CLK4: variants seen among roughly 807,000 people sequenced by gnomAD.
CLK4 encodes CDC like kinase 4, also known as dual specificity protein kinase CLK4.
CLK4 carries 37 observed loss-of-function variants against 64.4 expected under a neutral mutation model. The observed-to-expected ratio is 0.57, with a 90% CI of 0.44 to 0.76. The LOEUF is 0.76. Among genes scored for constraint, CLK4 ranks in the 30% least tolerant of loss-of-function variants. CLK4 has a pLI of 0.00. For synonymous variants in CLK4, 175 were observed against 191.6 expected, an observed-to-expected ratio of 0.91 and a Z score of 0.72; for missense variants, 457 against 605.1, an observed-to-expected ratio of 0.76 and a Z score of 2.57.
At chr5:178,626,797 C>G (rs1311054111) in intron 1 of CLK4, 149 bp downstream of exon 1, 1 of 152,524 alleles carries the variant, frequency 6.6e-6, no homozygotes. Context: ...TCGGTGCTGC[C>G]GGCGTGCACC....
Position 178,603,152 on chromosome 5 carries a change from T to A in CLK4, c.*465A>T. On this transcript the variant is annotated 3_prime_UTR_variant, in exon 13 of 13. Coordinates refer to ENST00000316308, the MANE Select transcript of CLK4 (RefSeq NM_020666.3). Reference sequence around the variant, plus strand: ...ACAGTAAACATTTTCTGAGTTTTGGTTTCTAGTACCTGCTTATCTAGAGTT... The same window carrying A: ...ACAGTAAACATTTTCTGAGTTTTGGATTCTAGTACCTGCTTATCTAGAGTT... 1 of 152,704 alleles carries A rather than the reference T, an allele frequency of 6.5e-6. No individual in the cohort carries two copies. Among genetic ancestry groups the A allele is most frequent in the East Asian group, 1.9e-4 (1 of 5,206 alleles). The allele number at this position is 152,704 out of a possible 1,614,324, so 9.5% of individuals were successfully genotyped here.
intron 1 of CLK4, among the ~76,000 whole-genome samples, chr5:178,625,081 C>T (rs560384544): frequency 6.6e-6 from 1 of 152,120 alleles, no homozygotes; most frequent in South Asian, 2.1e-4. Context: ...CGGTTTGATA[C>T]AAATGGAGTC....
chr5:178,617,327 T>C lies in CLK4; in HGVS notation c.475+17A>G. The C allele has an allele frequency of 6.3e-7, 1 of 1,587,948 alleles. No homozygotes were observed. The highest frequency in any genetic ancestry group is 8.6e-7 in the Non-Finnish European group (1 of 1,156,300). ...TCTTTCTGCAAAGTTTAAAAAGTGT[T>C]GAAAAATATTCTATACATCTTGCTC... On this transcript the variant is annotated intron_variant, in intron 4 of 12. Coordinates refer to ENST00000316308, the MANE Select transcript of CLK4 (RefSeq NM_020666.3). The surrounding 1 kb of genome is among the most constrained non-coding windows in gnomAD (Gnocchi z 5.2).
chr5:178,619,766 T>G, intron 2 of CLK4: 1 of 1,278,092 alleles, frequency 7.8e-7, no homozygotes, highest in Non-Finnish European at 1.0e-6. Flanking sequence ...GGATCCCAGT[T>G]AAGTGGCCTT....
chr5:178,607,917 C>T (rs1277251431), intron 10 of CLK4, among the ~76,000 whole-genome samples: 1 of 152,166 alleles, frequency 6.6e-6, no homozygotes, highest in African/African-American at 2.4e-5. Flanking sequence ...TGTCTCTTCA[C>T]CTTTATGTAC....
At chr5:178,607,063 C>A (rs1201339920) in intron 10 of CLK4, among the ~76,000 whole-genome samples, 1 of 150,414 alleles carries the variant, frequency 6.6e-6, no homozygotes, top group Non-Finnish European at 1.5e-5. Flanking sequence ...CAATTAAGGA[C>A]TTTTTATTTT....
intron 5 of CLK4, among the ~76,000 whole-genome samples, chr5:178,616,631 A>C (rs934246702): frequency 5.3e-5 from 8 of 152,168 alleles, no homozygotes; most frequent in African/African-American, 1.7e-4. Flanking sequence ...CCCCATCTCT[A>C]TTAAAAATAC....
chr5:178,618,752 T>C lies in CLK4; in HGVS notation c.188A>G (p.Asn63Ser), dbSNP rs750181034. 6.2e-7 allele frequency: 1 copy of C among 1,613,436 alleles called. No homozygotes were observed. The highest frequency in any genetic ancestry group is 1.7e-5 in the Admixed American group (1 of 59,998). Residue 63 changes from asparagine (N) to serine (S), a missense_variant, in exon 3 of 13, where the codon AAT (asparagine) becomes AGT (serine). Physicochemically the swap from Asn to Ser is conservative, Grantham distance 46. Transcript: ENST00000316308. ...DCHYLEARSL[N>S]ERDYRDRRYV... Reference sequence around the variant, plus strand: ...TCTCCGGTCCCGATAATCTCGCTCATTCAAGGACCTTGCTTCTAAATAATG... The same window carrying C: ...TCTCCGGTCCCGATAATCTCGCTCACTCAAGGACCTTGCTTCTAAATAATG...
chr5:178,612,762 C>A, intron 8 of CLK4, 34 bp downstream of exon 8: 1 of 1,258,000 alleles, frequency 7.9e-7, no homozygotes, highest in Non-Finnish European at 1.1e-6. Flanking sequence ...ATTTTAAAGA[C>A]AACCACCCAA....
chr5:178,605,341 T>C lies in CLK4; in HGVS notation c.1176A>G (p.Ile392Met), dbSNP rs750805790. The C allele has an allele frequency of 1.9e-6, 3 of 1,596,022 alleles. No homozygotes were observed. The African/African-American group carries it at 4.1e-5, about 22-fold the overall frequency. ...TCATGTGTTGTGGTATGGGTCCTAATATTCGTTCCATCATTGCCAGGTGCT... is the reference window on the plus strand; with the variant it reads ...TCATGTGTTGTGGTATGGGTCCTAACATTCGTTCCATCATTGCCAGGTGCT... ...SKEHLAMMER[I>M]LGPIPQHMIQ... The change falls in exon 11 of 13, where the codon ATA becomes ATG. Residue 392 changes from isoleucine (I) to methionine (M), a missense_variant. Transcript: ENST00000316308.
At chr5:178,614,496 T>G (rs1764600969) in intron 5 of CLK4, among the ~76,000 whole-genome samples, 2 of 152,220 alleles carry the variant, frequency 1.3e-5, no homozygotes, top group South Asian at 4.1e-4. Flanking sequence ...TCTGTAAGAA[T>G]GCTTCCTAAA....
At position 178,617,175 on chromosome 5, in the gene CLK4, T is replaced by C; in HGVS notation, c.475+169A>G. The C allele has an allele frequency of 1.5e-6, 1 of 649,820 alleles. No individual in the cohort carries two copies. 40.3% of individuals were successfully genotyped at this position (649,820 alleles called of 1,614,324 possible). A position where few individuals can be genotyped will look rare whatever the true frequency, so the allele number is the denominator to read the frequency against. ...CACTGATTATTTTGGAACTTTAGAA[T>C]AGAAATATTTAAATTCTACAGAAAA... On this transcript the variant is annotated intron_variant, in intron 4 of 12. Coordinates refer to ENST00000316308, the MANE Select transcript of CLK4 (RefSeq NM_020666.3). The surrounding 1 kb of genome is among the most constrained non-coding windows in gnomAD (Gnocchi z 5.2).
intron 2 of CLK4, chr5:178,622,294 A>G (rs1177906664): frequency 1.4e-5 from 4 of 293,576 alleles, no homozygotes; most frequent in Non-Finnish European, 2.0e-5. Flanking sequence ...TTCCCCTTAT[A>G]TAACAATGCG....
At position 178,618,649 on chromosome 5, in the gene CLK4, A is replaced by G; in HGVS notation, c.291T>C (p.Tyr97=). 1 of 1,614,008 alleles carries G rather than the reference A, an allele frequency of 6.2e-7. No homozygotes were observed. The highest frequency in any genetic ancestry group is 8.5e-7 in the Non-Finnish European group (1 of 1,179,954). Residue 97 remains tyrosine, a synonymous_variant, in exon 3 of 13, where the codon TAT becomes TAC. Coordinates refer to ENST00000316308, the MANE Select transcript of CLK4 (RefSeq NM_020666.3). ...CTGAAGATTTACTGCAGTGGATTCG[A>G]TACCCGCTTTCAATGTCTCTGTGAT... The part of the protein sequence containing the change: ...RHYHRDIESG[Y]RIHCSKSSVR...
At chr5:178,604,768 A>G (rs1008313489) in intron 11 of CLK4, 3 of 152,390 alleles carry the variant, frequency 2.0e-5, no homozygotes, top group African/African-American at 7.2e-5. Context: ...CCTGTTGTAC[A>G]GCCCAGTTCC....
chr5:178,610,334 A>G (rs763656254), intron 9 of CLK4, among the ~76,000 whole-genome samples: 5 of 152,112 alleles, frequency 3.3e-5, no homozygotes, highest in African/African-American at 4.8e-5. Context: ...CTATCTCCCA[A>G]TTTAGTCTTT....
chr5:178,605,287 G>C lies in CLK4; in HGVS notation c.1214+16C>G, dbSNP rs766468707. 1.8e-5 allele frequency: 28 copies of C among 1,525,934 alleles called. No homozygotes were observed. The African/African-American group carries it at 3.2e-4, about 18-fold the overall frequency. 94.5% of individuals were successfully genotyped at this position (1,525,934 alleles called of 1,614,324 possible). ...ATTGCACATATCCAACAAAAGTCTTGAATCTTAAAACATACCTTGTTTTCT... is the reference window on the plus strand; with the variant it reads ...ATTGCACATATCCAACAAAAGTCTTCAATCTTAAAACATACCTTGTTTTCT... On this transcript the variant is annotated intron_variant, in intron 11 of 12. Coordinates refer to ENST00000316308, the MANE Select transcript of CLK4 (RefSeq NM_020666.3).
At chr5:178,612,004 CCT>C (rs1409338403) in intron 9 of CLK4, among the ~76,000 whole-genome samples, 2 of 152,134 alleles carry the variant, frequency 1.3e-5, no homozygotes, top group African/African-American at 4.8e-5. Context: ...CTTAGAGAAG[CCT>C]CTTTCTTCTC....
In CLK4 at chr5:178,617,005, TCAAA is replaced by T. The variant is rs1487644548; in HGVS notation, c.476-61_476-58del. ...ACCTGAGTACAAACTGTCTAGTTCT[TCAAA>T]CAATGAATGCTTAAGTGTGGAATAT... On this transcript the variant is annotated intron_variant, in intron 4 of 12. Coordinates refer to ENST00000316308, the MANE Select transcript of CLK4 (RefSeq NM_020666.3). This position sits in a 1 kb window ranked among gnomAD's most constrained non-coding sequence, Gnocchi z 5.2. 1.8e-6 allele frequency: 2 copies of T among 1,136,970 alleles called. No individual in the cohort carries two copies. Among genetic ancestry groups the T allele is most frequent in the African/African-American group, 3.1e-5 (2 of 65,232 alleles). The allele number at this position is 1,136,970 out of a possible 1,614,324, so 70.4% of individuals were successfully genotyped here.
Sources: allele counts gnomAD v4.1 joint callset (sites outside exome capture counted in the v4.1 genomes callset), GRCh38; gene constraint gnomAD v4.1.1; non-coding constraint Gnocchi (gnomAD v3.1); transcripts MANE v1.5; gene names NCBI Gene and HGNC (gene_info 2026-07-23, HGNC 2026-07-21).